The following MDGA2 variants were observed in gnomAD, a reference collection of about 807,000 sequenced individuals.
MDGA2 encodes MAM domain containing glycosylphosphatidylinositol anchor 2.
A neutral mutation model predicts 117.8 loss-of-function variants in MDGA2; 40 were observed. The observed-to-expected ratio is 0.34, with a 90% CI of 0.26 to 0.44. The LOEUF (loss-of-function observed/expected upper bound fraction) is 0.44, where lower values mean the gene tolerates loss of function less well. Among genes scored for constraint, MDGA2 ranks in the 20% least tolerant of loss-of-function variants. The pLI is 1.00. For synonymous variants in MDGA2, 452 were observed against 439.0 expected, an observed-to-expected ratio of 1.03 and a Z score of -0.37; for missense variants, 1,123 against 1,250.6, an observed-to-expected ratio of 0.90 and a Z score of 1.54.
At chr14:47,316,849 G>A (rs78525884) in intron 1 of MDGA2, among the ~76,000 whole-genome samples, 1 of 152,050 alleles carries the variant, frequency 6.6e-6, no homozygotes, top group Admixed American at 6.6e-5. Flanking sequence ...TAGTCAAAAA[G>A]TGACATAAAC....
chr14:47,361,250 C>CAA (rs66541734), intron 1 of MDGA2, among the ~76,000 whole-genome samples: 4 of 150,300 alleles, frequency 2.7e-5, no homozygotes, highest in Non-Finnish European at 5.9e-5. Flanking sequence ...TTACAACACA[C>CAA]AAATAAACAT....
At chr14:47,514,209 TC>T (rs1894704131) in intron 1 of MDGA2, among the ~76,000 whole-genome samples, 1 of 152,106 alleles carries the variant, frequency 6.6e-6, no homozygotes, top group South Asian at 2.1e-4. Context: ...AAGAGAAAAC[TC>T]CACTTGGCAT....
At chr14:47,353,865 A>G (rs1890936657) in intron 1 of MDGA2, among the ~76,000 whole-genome samples, 2 of 152,202 alleles carry the variant, frequency 1.3e-5, no homozygotes, top group African/African-American at 4.8e-5. Context: ...AGAAAACTAC[A>G]GGCCAATATT....
At chr14:47,555,338 G>A (rs1406589817) in intron 1 of MDGA2, among the ~76,000 whole-genome samples, 1 of 152,110 alleles carries the variant, frequency 6.6e-6, no homozygotes, top group Admixed American at 6.6e-5. Flanking sequence ...GTGTGTGGCT[G>A]TGGAGAGTTT....
chr14:46,997,543 G>C (rs745826881), intron 8 of MDGA2, among the ~76,000 whole-genome samples: 6 of 152,120 alleles, frequency 3.9e-5, no homozygotes, highest in South Asian at 2.1e-4. Flanking sequence ...AAAATGAGCA[G>C]TACTAAGGCC....
intron 1 of MDGA2, among the ~76,000 whole-genome samples, chr14:47,367,482 T>G (rs896681477): frequency 2.0e-5 from 3 of 152,186 alleles, no homozygotes; most frequent in African/African-American, 4.8e-5. Context: ...TATAAAGTAA[T>G]AATAAATTTG....
At chr14:47,136,116 C>T (rs924631554) in intron 4 of MDGA2, among the ~76,000 whole-genome samples, 1 of 151,786 alleles carries the variant, frequency 6.6e-6, no homozygotes, top group African/African-American at 2.4e-5. Context: ...AACCCTAATT[C>T]TCCATTTCAC....
chr14:47,186,730 T>C (rs1884925657), intron 3 of MDGA2, among the ~76,000 whole-genome samples: 1 of 151,992 alleles, frequency 6.6e-6, no homozygotes, highest in Admixed American at 6.6e-5. Context: ...CTTTTAACTG[T>C]CATTGAAACC....
chr14:47,457,237 C>T (rs7146796), intron 1 of MDGA2, among the ~76,000 whole-genome samples: 102,645 of 152,096 alleles, frequency 0.67, 35,208 homozygotes, highest in East Asian at 0.98. Flanking sequence ...AGTCACATAT[C>T]ATCAAACAGC....
chr14:47,418,152 C>T (rs949270748), intron 1 of MDGA2, among the ~76,000 whole-genome samples: 1 of 152,152 alleles, frequency 6.6e-6, no homozygotes, highest in Non-Finnish European at 1.5e-5. Context: ...TCTCGGCTCT[C>T]TGCAACCTCT....
At chr14:47,038,446 A>C (rs1322037681) in intron 7 of MDGA2, among the ~76,000 whole-genome samples, 2 of 152,188 alleles carry the variant, frequency 1.3e-5, no homozygotes, top group Non-Finnish European at 2.9e-5. Context: ...AAATGTTATC[A>C]TGCTAAATAT....
In MDGA2 at chr14:46,884,199, T is replaced by C. The variant is rs1165133034; in HGVS notation, c.2239-1978A>G. Among the ~76,000 whole-genome samples, 1 of 152,160 alleles carries C rather than the reference T, an allele frequency of 6.6e-6. No homozygotes were observed. Among genetic ancestry groups the C allele is most frequent in the Non-Finnish European group, 1.5e-5 (1 of 68,010 alleles). ...CACAAATTAGAGTGGAGAAGATCCC[T>C]TGCTTTGAGAAGGCCTTGAGTTTTC... is the stretch of plus-strand genomic sequence containing the variant. On this transcript the variant is annotated intron_variant, in intron 10 of 16. Transcript: ENST00000399232. This position sits in a 1 kb window ranked among gnomAD's most constrained non-coding sequence, Gnocchi z 4.1.
chr14:47,632,258 T>A (rs937627311), intron 1 of MDGA2, among the ~76,000 whole-genome samples: 1 of 152,224 alleles, frequency 6.6e-6, no homozygotes, highest in Non-Finnish European at 1.5e-5. Context: ...TGCCATGAAT[T>A]CACTCCCATC....
intron 2 of MDGA2, among the ~76,000 whole-genome samples, chr14:47,255,026 C>G (rs1282566688): frequency 6.6e-6 from 1 of 152,166 alleles, no homozygotes; most frequent in Non-Finnish European, 1.5e-5. Flanking sequence ...ATTCAATTAC[C>G]TCCCATCGGG....
intron 14 of MDGA2, among the ~76,000 whole-genome samples, chr14:46,857,205 T>G (rs140192441): frequency 6.6e-6 from 1 of 152,230 alleles, no homozygotes; most frequent in African/African-American, 2.4e-5. Flanking sequence ...TCCACTTATT[T>G]CCATTTCTGG....
intron 5 of MDGA2, among the ~76,000 whole-genome samples, chr14:47,110,785 CAT>C (rs1409291620): frequency 6.6e-6 from 1 of 152,160 alleles, no homozygotes; most frequent in Non-Finnish European, 1.5e-5. Context: ...AACATCTGCA[CAT>C]ATAGCCTCTT....
intron 9 of MDGA2, among the ~76,000 whole-genome samples, chr14:46,929,601 G>GTATA (rs756528353): frequency 4.4e-3 from 56 of 12,646 alleles, no homozygotes; most frequent in Non-Finnish European, 7.4e-3. Context: ...GTGTGTGTGT[G>GTATA]TATATATATA....
chr14:47,516,962 TAA>T (rs1213713620), intron 1 of MDGA2, among the ~76,000 whole-genome samples: 1 of 151,988 alleles, frequency 6.6e-6, no homozygotes, highest in Non-Finnish European at 1.5e-5. Context: ...TTATTGATAA[TAA>T]AAAAATTGCC....
chr14:47,021,269 C>T (rs1001539126), intron 8 of MDGA2, among the ~76,000 whole-genome samples: 5 of 151,982 alleles, frequency 3.3e-5, no homozygotes, highest in Admixed American at 3.3e-4. Flanking sequence ...TATATGGATC[C>T]AGTAGTGTAC....
Sources: allele counts gnomAD v4.1 joint callset (sites outside exome capture counted in the v4.1 genomes callset), GRCh38; gene constraint gnomAD v4.1.1; non-coding constraint Gnocchi (gnomAD v3.1); transcripts MANE v1.5; gene names NCBI Gene and HGNC (gene_info 2026-07-23, HGNC 2026-07-21).